Variants in ADAMTS20 observed in about 807,000 individuals in gnomAD.
ADAMTS20 encodes A disintegrin and metalloproteinase with thrombospondin motifs 20.
In ADAMTS20, 225 loss-of-function variants were observed where a neutral mutation model predicts 260.1. The observed-to-expected ratio is 0.87, with a 90% CI of 0.78 to 0.97. The LOEUF (loss-of-function observed/expected upper bound fraction) is 0.97. Ranked by LOEUF, ADAMTS20 falls within the 50% of genes least tolerant of loss-of-function variation. ADAMTS20 has a pLI of 0.00. For missense variants in ADAMTS20, 2,400 were observed against 2,337.7 expected (o/e 1.03, Z -0.55); for synonymous variants, 802 against 769.5 (o/e 1.04, Z -0.70).
intron 25 of ADAMTS20, 39 bp from the exon 26 acceptor site, chr12:43,428,570 A>G: frequency 2.7e-6 from 4 of 1,509,320 alleles, no homozygotes; most frequent in Non-Finnish European, 3.5e-6. Flanking sequence ...TACAACATTA[A>G]TTTATATTTA....
intron 28 of ADAMTS20, among the ~76,000 whole-genome samples, chr12:43,416,492 C>G (rs1213641519): frequency 6.6e-6 from 1 of 151,260 alleles, no homozygotes; most frequent in Non-Finnish European, 1.5e-5. Context: ...GTTTCACAAA[C>G]TGGCTTGTCA....
intron 29 of ADAMTS20, among the ~76,000 whole-genome samples, chr12:43,397,098 C>A (rs1940720172): frequency 6.6e-6 from 1 of 152,130 alleles, no homozygotes; most frequent in South Asian, 2.1e-4. Context: ...GTAAGGCAAA[C>A]CTCCACTTTA....
At chr12:43,390,456 C>G (rs758790819) in intron 29 of ADAMTS20, among the ~76,000 whole-genome samples, 1 of 152,162 alleles carries the variant, frequency 6.6e-6, no homozygotes, top group Non-Finnish European at 1.5e-5. Context: ...ATTAACAACT[C>G]CATCTTTGTA....
At chr12:43,357,708 T>G (rs1248328749) in intron 37 of ADAMTS20, among the ~76,000 whole-genome samples, 1 of 152,200 alleles carries the variant, frequency 6.6e-6, no homozygotes, top group Admixed American at 6.5e-5. Context: ...GAATATGAAC[T>G]CTATGTCAGT....
At chr12:43,356,136 T>C (rs1939738223) in intron 38 of ADAMTS20, among the ~76,000 whole-genome samples, 1 of 152,166 alleles carries the variant, frequency 6.6e-6, no homozygotes, top group African/African-American at 2.4e-5. Flanking sequence ...AATTAAAGTA[T>C]AGTAAAAAGC....
intron 2 of ADAMTS20, among the ~76,000 whole-genome samples, chr12:43,536,327 T>C (rs1943294525): frequency 1.3e-5 from 2 of 152,138 alleles, no homozygotes; most frequent in African/African-American, 4.8e-5. Context: ...CCAATTTTGA[T>C]AAACTCTATG....
chr12:43,481,641 C>A (rs543662139), intron 7 of ADAMTS20, among the ~76,000 whole-genome samples: 2 of 152,280 alleles, frequency 1.3e-5, no homozygotes, highest in East Asian at 3.9e-4. Flanking sequence ...ATTTAAAAAT[C>A]AACAAGCCAA....
chr12:43,509,209 G>A (rs1484338717), intron 3 of ADAMTS20, among the ~76,000 whole-genome samples: 15 of 152,030 alleles, frequency 9.9e-5, no homozygotes, highest in Admixed American at 9.8e-4. Context: ...GTGCCGCGAT[G>A]AATATATGTG....
intron 14 of ADAMTS20, among the ~76,000 whole-genome samples, chr12:43,449,690 A>C (rs1372975084): frequency 3.9e-5 from 6 of 152,204 alleles, no homozygotes; most frequent in African/African-American, 1.4e-4. Flanking sequence ...TAAAGTTTAC[A>C]AAGTTCTTTT....
intron 3 of ADAMTS20, among the ~76,000 whole-genome samples, chr12:43,509,779 T>C (rs1942897286): frequency 6.6e-6 from 1 of 152,086 alleles, no homozygotes; most frequent in South Asian, 2.1e-4. Context: ...CATATATTCA[T>C]CAATATGTGT....
At chr12:43,526,413 G>C (rs140759199) in intron 3 of ADAMTS20, among the ~76,000 whole-genome samples, 1 of 152,068 alleles carries the variant, frequency 6.6e-6, no homozygotes, top group Non-Finnish European at 1.5e-5. Context: ...AGCCGAGATC[G>C]TGCCACTGCA....
intron 3 of ADAMTS20, among the ~76,000 whole-genome samples, chr12:43,524,735 C>A (rs1943118511): frequency 6.6e-6 from 1 of 152,264 alleles, no homozygotes; most frequent in South Asian, 2.1e-4. Flanking sequence ...CTTTCAACAG[C>A]AGACTAGAAC....
intron 3 of ADAMTS20, among the ~76,000 whole-genome samples, chr12:43,528,076 A>C (rs911958996): frequency 1.3e-5 from 2 of 152,034 alleles, no homozygotes; most frequent in Non-Finnish European, 2.9e-5. Flanking sequence ...CAAGAACTCA[A>C]TCCCTTTTAC....
intron 28 of ADAMTS20, among the ~76,000 whole-genome samples, chr12:43,418,010 C>T (rs578065138): frequency 6.6e-6 from 1 of 152,292 alleles, no homozygotes; most frequent in South Asian, 2.1e-4. Flanking sequence ...GCTGCTGCTG[C>T]TGCTGGTGGT....
At chr12:43,487,582 A>T (rs905011595) in intron 7 of ADAMTS20, among the ~76,000 whole-genome samples, 2 of 70,312 alleles carry the variant, frequency 2.8e-5, no homozygotes, top group African/African-American at 4.4e-5. Flanking sequence ...CTATTGAAAT[A>T]AAAAAATTAA....
chr12:43,498,180 AAACCTTT>A (rs1223752044), intron 4 of ADAMTS20, among the ~76,000 whole-genome samples: 1 of 152,190 alleles, frequency 6.6e-6, no homozygotes, highest in Non-Finnish European at 1.5e-5. Context: ...TTAATTCCAG[AAACCTTT>A]AAGTAAGAAG....
At chr12:43,485,094 C>CAAAAAAAAAAAAAAAAAAAAAAAAAA (rs59409245) in intron 7 of ADAMTS20, among the ~76,000 whole-genome samples, 1 of 118,750 alleles carries the variant, frequency 8.4e-6, no homozygotes, top group South Asian at 2.5e-4. Context: ...AGGACGTAGC[C>CAAAAAAAAAAAAAAAAAAAAAAAAAA]AAAAAAAAAA....
At chr12:43,457,755 C>G (rs1423056565) in intron 11 of ADAMTS20, among the ~76,000 whole-genome samples, 1 of 152,204 alleles carries the variant, frequency 6.6e-6, no homozygotes, top group Non-Finnish European at 1.5e-5. Context: ...GGTTTGAGCA[C>G]TAGCATCCCT....
chr12:43,387,722 A>C (rs1015390955), intron 29 of ADAMTS20, among the ~76,000 whole-genome samples: 1 of 152,200 alleles, frequency 6.6e-6, no homozygotes, highest in African/African-American at 2.4e-5. Context: ...GCTTGGCTAG[A>C]GCGGCAAAGC....
Sources: allele counts gnomAD v4.1 joint callset (sites outside exome capture counted in the v4.1 genomes callset), GRCh38; gene constraint gnomAD v4.1.1; transcripts MANE v1.5; gene names NCBI Gene and HGNC (gene_info 2026-07-23, HGNC 2026-07-21).